TENM4: variants seen among roughly 807,000 people sequenced by gnomAD.
TENM4 encodes teneurin transmembrane protein 4.
In TENM4, 82 loss-of-function variants were observed where a neutral mutation model predicts 243.3. The ratio of observed to expected loss-of-function variants is 0.34; its 90% CI spans 0.28 to 0.40. TENM4 has a LOEUF of 0.40. Ranked by LOEUF, TENM4 falls within the 10% of genes least tolerant of loss-of-function variation. The probability of loss-of-function intolerance (pLI) is 1.00; values close to 1 mark genes in which losing one functional copy is unlikely to be tolerated. For synonymous variants in TENM4, 1,412 were observed against 1,456.3 expected (o/e 0.97, Z 0.69); for missense variants, 3,138 against 3,673.3 (o/e 0.85, Z 3.77).
intron 1 of TENM4, among the ~76,000 whole-genome samples, chr11:79,382,893 G>A (rs1177138725): frequency 6.6e-6 from 1 of 152,140 alleles, no homozygotes; most frequent in Non-Finnish European, 1.5e-5. Flanking sequence ...TGGGTCCAGG[G>A]ATGAGATTCC....
intron 4 of TENM4, among the ~76,000 whole-genome samples, chr11:79,145,525 G>C (rs958056537): frequency 6.6e-6 from 1 of 151,972 alleles, no homozygotes; most frequent in African/African-American, 2.4e-5. Flanking sequence ...TCACCTTCAT[G>C]CTTCTGAGGT....
intron 6 of TENM4, among the ~76,000 whole-genome samples, chr11:78,988,906 A>T (rs1207772981): frequency 6.6e-6 from 1 of 152,068 alleles, no homozygotes; most frequent in African/African-American, 2.4e-5. Context: ...CACACTCCTG[A>T]GCTCAAGTGA....
At chr11:79,144,872 C>T (rs1255481351) in intron 4 of TENM4, among the ~76,000 whole-genome samples, 2 of 151,922 alleles carry the variant, frequency 1.3e-5, no homozygotes, top group African/African-American at 2.4e-5. Context: ...GATAGCATAA[C>T]AGGTTGATTA....
At chr11:79,124,383 G>A (rs1006450432) in intron 4 of TENM4, among the ~76,000 whole-genome samples, 3 of 152,048 alleles carry the variant, frequency 2.0e-5, no homozygotes, top group Non-Finnish European at 2.9e-5. Context: ...TAGAATATAA[G>A]CAGGCAGAAA....
intron 1 of TENM4, among the ~76,000 whole-genome samples, chr11:79,411,376 C>A (rs1478488440): frequency 6.6e-6 from 1 of 152,202 alleles, no homozygotes; most frequent in Non-Finnish European, 1.5e-5. Context: ...CCCACACAAA[C>A]TCTTCCAGGG....
intron 2 of TENM4, among the ~76,000 whole-genome samples, chr11:79,267,440 T>A (rs1249736911): frequency 6.6e-6 from 1 of 152,194 alleles, no homozygotes; most frequent in African/African-American, 2.4e-5. Context: ...TTCTGAGATT[T>A]GGAAAGATAA....
At chr11:79,073,575 C>A (rs565687273) in intron 4 of TENM4, among the ~76,000 whole-genome samples, 2 of 152,290 alleles carry the variant, frequency 1.3e-5, no homozygotes, top group South Asian at 2.1e-4. Context: ...TAAAGTATTA[C>A]GTAAATCTAA....
intron 1 of TENM4, among the ~76,000 whole-genome samples, chr11:79,316,435 C>T (rs1457817064): frequency 2.0e-5 from 3 of 152,066 alleles, no homozygotes; most frequent in South Asian, 2.1e-4. Context: ...TACAGCTTGG[C>T]GAATGTAGGT....
intron 1 of TENM4, among the ~76,000 whole-genome samples, chr11:79,426,363 C>A (rs1859049822): frequency 6.6e-6 from 1 of 152,126 alleles, no homozygotes; most frequent in African/African-American, 2.4e-5. Flanking sequence ...GACCCTGGCT[C>A]CCTGACTCAC....
chr11:78,661,694 G>T (rs145712327), intron 32 of TENM4, 103 bp from the exon 33 acceptor site: 33 of 1,449,624 alleles, frequency 2.3e-5, no homozygotes, highest in Middle Eastern at 2.0e-4. Context: ...TGTGGTGAGG[G>T]TGTGGATTGC....
intron 6 of TENM4, among the ~76,000 whole-genome samples, chr11:79,047,484 G>A (rs954660608): frequency 6.6e-6 from 1 of 152,234 alleles, no homozygotes; most frequent in Non-Finnish European, 1.5e-5. Flanking sequence ...TGCAATGACA[G>A]CAGCTCCCGG....
intron 7 of TENM4, among the ~76,000 whole-genome samples, chr11:78,901,246 C>T (rs773438612): frequency 1.3e-5 from 2 of 151,936 alleles, no homozygotes; most frequent in Non-Finnish European, 2.9e-5. Context: ...TGAGTATATA[C>T]CTACATGTTA....
intron 6 of TENM4, among the ~76,000 whole-genome samples, chr11:78,952,680 T>C (rs1445955226): frequency 6.6e-6 from 1 of 152,230 alleles, no homozygotes; most frequent in African/African-American, 2.4e-5. Flanking sequence ...ATAACCTCCT[T>C]ATCTCCTAAA....
intron 4 of TENM4, among the ~76,000 whole-genome samples, chr11:79,146,976 C>T (rs1862405446): frequency 6.6e-6 from 1 of 151,210 alleles, no homozygotes; most frequent in Non-Finnish European, 1.5e-5. Context: ...CACATATGCA[C>T]AAACACACAC....
intron 3 of TENM4, among the ~76,000 whole-genome samples, chr11:79,151,598 G>A (rs573969511): frequency 2.6e-4 from 39 of 152,154 alleles, no homozygotes; most frequent in African/African-American, 8.9e-4. Flanking sequence ...GCTTTCCGAG[G>A]TTACTAAACT....
intron 9 of TENM4, among the ~76,000 whole-genome samples, chr11:78,874,390 G>A (rs1219924212): frequency 1.3e-5 from 2 of 152,138 alleles, no homozygotes; most frequent in African/African-American, 2.4e-5. Flanking sequence ...AATAGTTAAT[G>A]AATGAAAGAA....
chr11:79,158,891 T>G (rs1470887427), intron 3 of TENM4, among the ~76,000 whole-genome samples: 1 of 152,160 alleles, frequency 6.6e-6, no homozygotes, highest in Admixed American at 6.5e-5. Context: ...GTACTCCTCC[T>G]CAGACCATCA....
At chr11:78,980,942 T>C (rs904162334) in intron 6 of TENM4, among the ~76,000 whole-genome samples, 1 of 152,164 alleles carries the variant, frequency 6.6e-6, no homozygotes, top group Admixed American at 6.6e-5. Flanking sequence ...CTTAGAGAAA[T>C]TAAATAATGT....
intron 4 of TENM4, among the ~76,000 whole-genome samples, chr11:79,083,591 A>T (rs1191774374): frequency 2.0e-5 from 3 of 152,176 alleles, no homozygotes; most frequent in Admixed American, 2.0e-4. Context: ...TACTCCTAAC[A>T]CATTTCATTC....
Sources: gnomAD v4.1 joint callset for allele counts (sites outside exome capture counted in the v4.1 genomes callset) on GRCh38, gnomAD v4.1.1 for gene constraint, MANE v1.5 for transcripts, NCBI Gene and HGNC (gene_info 2026-07-23, HGNC 2026-07-21) for gene names.